MTM1: variants seen among roughly 807,000 people sequenced by gnomAD.
MTM1 encodes myotubularin 1.
Under a neutral mutation model 52.1 loss-of-function variants are expected in MTM1, and 9 were observed. The ratio of observed to expected loss-of-function variants is 0.17; its 90% confidence interval spans 0.10 to 0.30. MTM1 has a LOEUF of 0.30. Ranked by LOEUF, MTM1 falls within the 10% of genes least tolerant of loss-of-function variation. MTM1 has a pLI of 1.00. For missense variants in MTM1, 277 were observed against 470.7 expected (o/e 0.59, Z 3.81); for synonymous variants, 136 against 163.8 (o/e 0.83, Z 1.29).
rs1175456449 is a variant in MTM1 at position 150,583,613 on chromosome X, T to C, written c.-10-8992T>C. ...TAATTTATATATAATATATAATTTA[T>C]ATATATTATATATAATTTATATATA... On this transcript the variant is annotated intron_variant, in intron 1 of 14. Coordinates refer to ENST00000370396, the MANE Select transcript of MTM1 (RefSeq NM_000252.3). Among the ~76,000 whole-genome samples the C allele has an allele frequency of 2.3e-4, 8 of 34,563 alleles. 1 individual carries two copies. The highest frequency in any genetic ancestry group is 1.1e-3 in the African/African-American group (8 of 7,453). 30.0% of individuals were successfully genotyped at this position (34,563 alleles called of 115,157 possible).
upstream of MTM1, among the ~76,000 whole-genome samples, chrX:150,564,376 AT>A (rs1322873225): frequency 7.2e-5 from 8 of 110,688 alleles, no homozygotes; most frequent in African/African-American, 2.6e-4. Flanking sequence ...TTCTTTTACT[AT>A]TTTTTATTAT....
intron 9 of MTM1, among the ~76,000 whole-genome samples, chrX:150,647,375 A>G (rs1180766955): frequency 9.0e-6 from 1 of 110,534 alleles, no homozygotes; most frequent in Non-Finnish European, 1.9e-5. Flanking sequence ...GGCCTTTTTA[A>G]CACTCAGGAA....
intron 1 of MTM1, among the ~76,000 whole-genome samples, chrX:150,569,943 C>G (rs1361370343): frequency 8.9e-6 from 1 of 111,867 alleles, no homozygotes; most frequent in Non-Finnish European, 1.9e-5. Flanking sequence ...TTCAGAGATT[C>G]CACACCATGG....
intron 6 of MTM1, among the ~76,000 whole-genome samples, chrX:150,624,009 C>T (rs2039525611): frequency 9.0e-6 from 1 of 111,358 alleles, no homozygotes; most frequent in African/African-American, 3.3e-5. Context: ...CATGAATACA[C>T]CATGAGTGGG....
chrX:150,637,875 G>T (rs1201023098), intron 6 of MTM1, among the ~76,000 whole-genome samples: 1 of 112,354 alleles, frequency 8.9e-6, no homozygotes, highest in Non-Finnish European at 1.9e-5. Flanking sequence ...TGGCCAGATG[G>T]CAGACAGCTG....
chrX:150,600,488 A>C (rs782306422), intron 4 of MTM1, among the ~76,000 whole-genome samples: 67 of 112,054 alleles, frequency 6.0e-4, no homozygotes, highest in Admixed American at 1.0e-3. Context: ...CAATAGCCCC[A>C]TCTGAAGTGT....
intron 10 of MTM1, among the ~76,000 whole-genome samples, chrX:150,656,949 C>G (rs1018018677): frequency 9.0e-6 from 1 of 111,265 alleles, no homozygotes; most frequent in African/African-American, 3.3e-5. Context: ...GTTAGAATGG[C>G]GATCATTAAA....
At chrX:150,602,671 T>G (rs1302662261) in intron 4 of MTM1, among the ~76,000 whole-genome samples, 3 of 112,114 alleles carry the variant, frequency 2.7e-5, no homozygotes, top group African/African-American at 9.7e-5. Context: ...TGGGTTAATG[T>G]TGTGACTATA....
chrX:150,630,219 A>C (rs1398465050), intron 6 of MTM1, among the ~76,000 whole-genome samples: 2 of 111,505 alleles, frequency 1.8e-5, no homozygotes, highest in Non-Finnish European at 3.8e-5. Context: ...CAGCCTCCCA[A>C]GTAGCTGAGA....
intron 6 of MTM1, among the ~76,000 whole-genome samples, chrX:150,625,802 T>C (rs1557413386): frequency 8.9e-6 from 1 of 112,630 alleles, no homozygotes. Flanking sequence ...TGTTTTCGTG[T>C]GTGTGGTGGG....
At chrX:150,610,954 C>T (rs2039265017) in intron 4 of MTM1, among the ~76,000 whole-genome samples, 1 of 112,353 alleles carries the variant, frequency 8.9e-6, no homozygotes, top group African/African-American at 3.2e-5. Context: ...AGTTCACAGA[C>T]ACTCAAATGT....
At chrX:150,629,786 G>A (rs782360163) in intron 6 of MTM1, among the ~76,000 whole-genome samples, 2 of 111,182 alleles carry the variant, frequency 1.8e-5, no homozygotes, top group African/African-American at 3.3e-5. Flanking sequence ...TCTCCCTCCC[G>A]GCACACTTCA....
intron 13 of MTM1, 78 bp from the exon 14 acceptor site, chrX:150,663,355 T>TA (rs2040254383): frequency 9.5e-7 from 1 of 1,057,887 alleles, no homozygotes; most frequent in Non-Finnish European, 1.3e-6. Flanking sequence ...ACTGTATTGC[T>TA]ACAGGCTGCA....
intron 2 of MTM1, among the ~76,000 whole-genome samples, chrX:150,595,403 C>G (rs1228777632): frequency 9.0e-6 from 1 of 111,603 alleles, no homozygotes; most frequent in East Asian, 2.8e-4. Flanking sequence ...GGGAGGCAGA[C>G]GTTGCAGTAA....
chrX:150,659,558 C>A, intron 11 of MTM1, 106 bp from the exon 12 acceptor site: 1 of 617,856 alleles, frequency 1.6e-6, no homozygotes, highest in Non-Finnish European at 2.7e-6. Flanking sequence ...AGAAACTTGG[C>A]ATTTAGAAGG....
rs782187769 is a variant in MTM1 at position 150,642,661 on chromosome X, C to G, written c.678+1243C>G. Among the ~76,000 whole-genome samples, 221 of 111,881 alleles carry G rather than the reference C, an allele frequency of 2.0e-3. 1 individual carries two copies. Among genetic ancestry groups the G allele is most frequent in the African/African-American group, 6.3e-3 (193 of 30,869 alleles). On this transcript the variant is annotated intron_variant, in intron 8 of 14. Transcript: ENST00000370396. Reference sequence around the variant, plus strand: ...CTACACCCCTACCCTGGCTGGCTGTCTGTCTTGCTAATGCATGCCTTGCTC... The same window carrying G: ...CTACACCCCTACCCTGGCTGGCTGTGTGTCTTGCTAATGCATGCCTTGCTC...
chrX:150,638,867 C>T (rs782794394), intron 6 of MTM1, 76 bp from the exon 7 acceptor site: 7 of 781,001 alleles, frequency 9.0e-6, no homozygotes, highest in Admixed American at 6.9e-5. Context: ...ATTTATTTTG[C>T]GAGAAATCAA....
intron 1 of MTM1, among the ~76,000 whole-genome samples, chrX:150,572,309 G>C (rs1297607486): frequency 1.8e-5 from 2 of 111,686 alleles, no homozygotes; most frequent in Non-Finnish European, 3.8e-5. Context: ...AGAGCCCTTT[G>C]TAAAGTGTGC....
rs10583459 is a variant in MTM1, at chrX:150,615,485, T to TA, written c.342+801dup. 1.4e-3 allele frequency among the ~76,000 whole-genome samples: 137 copies of TA among 100,131 alleles called. 1 individual carries two copies. The highest frequency in any genetic ancestry group is 5.5e-3 in the East Asian group (17 of 3,118). 87.0% of individuals were successfully genotyped at this position (100,131 alleles called of 115,157 possible). A position where few individuals can be genotyped will look rare whatever the true frequency, so the allele number is the denominator to read the frequency against. ...TGTTTTTTCAACCCTTTTGAAGTGT[T>TA]AAAAAAAAAAAAAAACAGTCTTAAT... On this transcript the variant is annotated intron_variant, in intron 5 of 14. Transcript: ENST00000370396.
Sources: allele counts gnomAD v4.1 joint callset (sites outside exome capture counted in the v4.1 genomes callset), GRCh38; gene constraint gnomAD v4.1.1; transcripts MANE v1.5; gene names NCBI Gene and HGNC (gene_info 2026-07-23, HGNC 2026-07-21).